RFX3: variants seen among roughly 807,000 people sequenced by gnomAD.
The protein encoded by RFX3 is transcription factor RFX3.
A neutral mutation model predicts 98.6 loss-of-function variants in RFX3; 14 were observed. The ratio of observed to expected loss-of-function variants is 0.14; its 90% CI spans 0.09 to 0.22. The LOEUF (loss-of-function observed/expected upper bound fraction) is 0.22, where lower values mean the gene tolerates loss of function less well. Ranked by LOEUF, RFX3 falls within the 10% of genes least tolerant of loss-of-function variation. RFX3 has a pLI of 1.00. For synonymous variants in RFX3, 383 were observed against 328.4 expected (o/e 1.17, Z -1.80); for missense variants, 639 against 926.9 (o/e 0.69, Z 4.03).
intron 1 of RFX3, chr9:3,489,247 T>C (rs1008557523): frequency 6.7e-5 from 11 of 164,592 alleles, no homozygotes; most frequent in South Asian, 2.0e-4. Flanking sequence ...AGGAAGTAAT[T>C]TGGATGCAAA....
intron 1 of RFX3, among the ~76,000 whole-genome samples, chr9:3,462,503 C>T (rs1847788605): frequency 6.6e-6 from 1 of 152,144 alleles, no homozygotes; most frequent in East Asian, 1.9e-4. Context: ...TATCCTCCCT[C>T]CCCATTTTTA....
At chr9:3,360,546 T>C (rs1224734928) in intron 2 of RFX3, among the ~76,000 whole-genome samples, 1 of 152,096 alleles carries the variant, frequency 6.6e-6, no homozygotes, top group Non-Finnish European at 1.5e-5. Context: ...AATATAAATA[T>C]ATGCATGATG....
At chr9:3,378,621 A>G (rs925167660) in intron 2 of RFX3, among the ~76,000 whole-genome samples, 2 of 147,280 alleles carry the variant, frequency 1.4e-5, no homozygotes, top group African/African-American at 5.1e-5. Context: ...CAATGGTGCA[A>G]TCTTGGCTCA....
chr9:3,285,467 A>T (rs1826466658), intron 7 of RFX3, among the ~76,000 whole-genome samples: 1 of 151,500 alleles, frequency 6.6e-6, no homozygotes, highest in Admixed American at 6.6e-5. Context: ...ATGAAAAGAA[A>T]CTCCTTCTTT....
Position 3,246,188 on chromosome 9 carries a change from G to C in RFX3, c.1968+1844C>G, listed in dbSNP as rs533396715. The stretch of plus-strand genomic sequence containing the variant: ...TAAACTGAGTAAGCAAAGAAATCAA[G>C]AAGTATGATTAGATCTTTGACCATT... On this transcript the variant is annotated intron_variant, in intron 15 of 16. Coordinates refer to ENST00000617270, the MANE Select transcript of RFX3 (RefSeq NM_001282116.2). 5.2e-4 allele frequency among the ~76,000 whole-genome samples: 79 copies of C among 152,106 alleles called. 2 individuals are homozygous for C. The South Asian group carries it at 0.016, about 30-fold the overall frequency.
chr9:3,333,989 T>C (rs542073160), intron 3 of RFX3, among the ~76,000 whole-genome samples: 327 of 152,210 alleles, frequency 2.1e-3, no homozygotes, highest in East Asian at 2.3e-3. Flanking sequence ...GCATACAAGG[T>C]GAATAACTGA....
chr9:3,339,084 A>C (rs1354509738), intron 3 of RFX3, among the ~76,000 whole-genome samples: 2 of 152,070 alleles, frequency 1.3e-5, no homozygotes, highest in African/African-American at 4.8e-5. Flanking sequence ...GCAAGACTCC[A>C]ACTCAAAAAT....
chr9:3,299,195 A>G (rs1828351017), intron 5 of RFX3, among the ~76,000 whole-genome samples: 1 of 151,784 alleles, frequency 6.6e-6, no homozygotes. Context: ...AAAATTCTAC[A>G]CAACATAAAA....
chr9:3,481,378 T>C (rs77264874), intron 1 of RFX3, among the ~76,000 whole-genome samples: 1,797 of 152,270 alleles, frequency 0.012, 27 homozygotes, highest in African/African-American at 0.032. Context: ...ATCCTTATTT[T>C]TATATACAGC....
At chr9:3,354,195 C>G (rs1430667506) in intron 2 of RFX3, among the ~76,000 whole-genome samples, 3 of 151,924 alleles carry the variant, frequency 2.0e-5, no homozygotes, top group Non-Finnish European at 2.9e-5. Context: ...TAGTCTCAGA[C>G]AGAGAAGTAA....
intron 9 of RFX3, 46 bp downstream of exon 9, chr9:3,275,454 C>G (rs766252722): frequency 3.7e-6 from 4 of 1,083,368 alleles, no homozygotes; most frequent in Non-Finnish European, 5.6e-6. Flanking sequence ...AGCAAGTTAT[C>G]TGGCAAAACC....
intron 1 of RFX3, among the ~76,000 whole-genome samples, chr9:3,422,436 C>T (rs893221378): frequency 2.6e-4 from 39 of 152,184 alleles, no homozygotes; most frequent in African/African-American, 8.2e-4. Context: ...GCTATTCCAC[C>T]CTGGCATGGG....
intron 2 of RFX3, among the ~76,000 whole-genome samples, chr9:3,361,982 G>T (rs191205307): frequency 9.2e-5 from 14 of 152,062 alleles, no homozygotes; most frequent in African/African-American, 3.4e-4. Flanking sequence ...TAAGTCACAG[G>T]CTATTTAATA....
intron 1 of RFX3, among the ~76,000 whole-genome samples, chr9:3,472,307 C>T (rs186993681): frequency 6.6e-6 from 1 of 152,168 alleles, no homozygotes; most frequent in East Asian, 1.9e-4. Context: ...CCTAGCTCCA[C>T]CACTTACTAC....
intron 1 of RFX3, among the ~76,000 whole-genome samples, chr9:3,494,063 G>C (rs911524451): frequency 1.3e-5 from 2 of 151,914 alleles, no homozygotes; most frequent in Admixed American, 6.6e-5. Context: ...ATTAATCTAT[G>C]TACTTAGTAT....
chr9:3,308,350 C>A (rs7024463), intron 4 of RFX3, among the ~76,000 whole-genome samples: 10,706 of 152,136 alleles, frequency 0.07, 1,264 homozygotes, highest in African/African-American at 0.24. Context: ...TTCAGTGCTA[C>A]TGGAAGCCAG....
intron 4 of RFX3, among the ~76,000 whole-genome samples, chr9:3,327,115 T>C (rs541586037): frequency 6.6e-6 from 1 of 152,248 alleles, no homozygotes; most frequent in East Asian, 1.9e-4. Context: ...ATTGTGTTCA[T>C]ATACAATCTT....
Position 3,449,768 on chromosome 9 carries a change from G to A in RFX3, c.-8-54172C>T, listed in dbSNP as rs1309191858. Reference sequence around the variant, plus strand: ...CTCCAGAGGCTGAGGCAGGAGGATCGTTTGAGCCCAAGAGATTGAAGCTAC... The same window carrying A: ...CTCCAGAGGCTGAGGCAGGAGGATCATTTGAGCCCAAGAGATTGAAGCTAC... On this transcript the variant is annotated intron_variant, in intron 1 of 16. Coordinates refer to ENST00000617270, the MANE Select transcript of RFX3 (RefSeq NM_001282116.2). 1.1e-4 allele frequency among the ~76,000 whole-genome samples: 17 copies of A among 151,556 alleles called. No homozygotes were observed. In the East Asian group the frequency reaches 1.2e-3, roughly 10 times the overall value.
intron 1 of RFX3, among the ~76,000 whole-genome samples, chr9:3,400,612 C>T (rs1019963258): frequency 6.6e-6 from 1 of 152,316 alleles, no homozygotes. Context: ...TCATTTTCCT[C>T]TGATTTTACT....
Sources: allele counts gnomAD v4.1 joint callset (sites outside exome capture counted in the v4.1 genomes callset), GRCh38; gene constraint gnomAD v4.1.1; transcripts MANE v1.5; gene names NCBI Gene and HGNC (gene_info 2026-07-23, HGNC 2026-07-21).